The following WDFY3 variants were observed in gnomAD, a reference collection of about 807,000 sequenced individuals.
The protein encoded by WDFY3 is WD repeat and FYVE domain-containing protein 3.
Under a neutral mutation model 409.6 loss-of-function variants are expected in WDFY3, and 66 were observed. That is an observed-to-expected ratio of 0.16 (90% CI 0.13 to 0.20). The LOEUF (loss-of-function observed/expected upper bound fraction) is 0.20. WDFY3 is among the 10% of genes least tolerant of loss of function. The pLI is 1.00. For missense variants in WDFY3, 3,031 were observed against 4,298.1 expected, an observed-to-expected ratio of 0.71 and a Z score of 8.24; for synonymous variants, 1,521 against 1,537.1, an observed-to-expected ratio of 0.99 and a Z score of 0.25.
chr4:84,687,782 C>G, intron 62 of WDFY3: 1 of 227,646 alleles, frequency 4.4e-6, no homozygotes, highest in Non-Finnish European at 8.6e-6. Flanking sequence ...ACAGGCACAG[C>G]CCACCACTGA....
At chr4:84,803,522 T>C in intron 15 of WDFY3, 55 bp from the exon 16 acceptor site, 1 of 1,537,736 alleles carries the variant, frequency 6.5e-7, no homozygotes, top group East Asian at 2.3e-5. Flanking sequence ...ATTCTCTTCC[T>C]CTTCAGTTAC....
chr4:84,820,045 G>A, intron 12 of WDFY3, 40 bp downstream of exon 12: 1 of 1,520,776 alleles, frequency 6.6e-7, no homozygotes, highest in Non-Finnish European at 9.0e-7. Flanking sequence ...GTAATCAGTG[G>A]TAATCTCCCA....
chr4:84,792,635 A>G (rs1748719347), intron 21 of WDFY3, among the ~76,000 whole-genome samples: 1 of 152,166 alleles, frequency 6.6e-6, no homozygotes, highest in African/African-American at 2.4e-5. Flanking sequence ...TGCATATGTT[A>G]CCGTCATTTC....
intron 3 of WDFY3, among the ~76,000 whole-genome samples, chr4:84,865,009 C>T (rs1314837095): frequency 6.6e-6 from 1 of 152,212 alleles, no homozygotes; most frequent in African/African-American, 2.4e-5. Context: ...CCCTCCTCAG[C>T]CTCCCTAGTA....
chr4:84,752,512 A>G (rs1560666821), intron 35 of WDFY3, among the ~76,000 whole-genome samples: 1 of 150,886 alleles, frequency 6.6e-6, no homozygotes, highest in Non-Finnish European at 1.5e-5. Flanking sequence ...CCGGGATGAC[A>G]AGAGCGAAAC....
In WDFY3 at chr4:84,685,555, A is replaced by G. The variant is rs113489808; in HGVS notation, c.9544-1430T>C. 4.3e-3 allele frequency among the ~76,000 whole-genome samples: 657 copies of G among 152,330 alleles called. 2 individuals are homozygous for G. The highest frequency in any genetic ancestry group is 0.014 in the African/African-American group (571 of 41,570). On this transcript the variant is annotated intron_variant, in intron 62 of 67. Transcript: ENST00000295888. ...GCAAGAGAAAATTGCTCCATTCTGCACTGGGCAAGACCTTCTTCAGTTACT... is the reference window on the plus strand; with the variant it reads ...GCAAGAGAAAATTGCTCCATTCTGCGCTGGGCAAGACCTTCTTCAGTTACT...
intron 32 of WDFY3, among the ~76,000 whole-genome samples, chr4:84,759,494 T>C (rs1454599661): frequency 1.3e-5 from 2 of 151,658 alleles, no homozygotes; most frequent in Non-Finnish European, 2.9e-5. Flanking sequence ...CAGTGGTTTG[T>C]AGTTCTCCTT....
At chr4:84,674,895 T>G (rs560900815) in intron 67 of WDFY3, among the ~76,000 whole-genome samples, 51 of 151,118 alleles carry the variant, frequency 3.4e-4, no homozygotes, top group African/African-American at 9.7e-4. Flanking sequence ...AAATAAAAGA[T>G]ATATATATAT....
chr4:84,687,283 A>C, intron 62 of WDFY3, among the ~76,000 whole-genome samples: 1 of 152,096 alleles, frequency 6.6e-6, no homozygotes, highest in East Asian at 1.9e-4. Context: ...AGCTGGGATT[A>C]AAGGCACCCA....
At chr4:84,902,949 T>TA (rs1766539017) in intron 2 of WDFY3, among the ~76,000 whole-genome samples, 1 of 152,192 alleles carries the variant, frequency 6.6e-6, no homozygotes, top group African/African-American at 2.4e-5. Context: ...TTGTAGTCCT[T>TA]AAAGTCTCCC....
chr4:84,893,418 T>C lies in WDFY3; in HGVS notation c.-32+3493A>G, dbSNP rs1445952162. On this transcript the variant is annotated intron_variant, in intron 3 of 67. Transcript: ENST00000295888. ...TCTGAGGTTTGGGATTACTGTTTTC[T>C]CCTCACTTCACTTAAGTTAAAAGAT... is the stretch of plus-strand genomic sequence containing the variant. Among the ~76,000 whole-genome samples, 5 of 152,216 alleles carry C rather than the reference T, an allele frequency of 3.3e-5. No homozygotes were observed. The East Asian group carries it at 9.6e-4, about 29-fold the overall frequency.
chr4:84,844,871 G>T (rs1265670476), intron 5 of WDFY3, among the ~76,000 whole-genome samples: 1 of 152,144 alleles, frequency 6.6e-6, no homozygotes, highest in Non-Finnish European at 1.5e-5. Context: ...CAAATTAACT[G>T]AGTCACTACT....
Position 84,875,041 on chromosome 4 carries a change from G to A in WDFY3, c.-31-14419C>T, listed in dbSNP as rs896949186. 1.1e-4 allele frequency among the ~76,000 whole-genome samples: 17 copies of A among 152,016 alleles called. No homozygotes were observed. The East Asian group carries it at 1.2e-3, about 10-fold the overall frequency. On this transcript the variant is annotated intron_variant, in intron 3 of 67. Coordinates refer to ENST00000295888, the MANE Select transcript of WDFY3 (RefSeq NM_014991.6). The stretch of plus-strand genomic sequence containing the variant: ...TCCCAGCACTTTGGGAGTCCGAGGC[G>A]GGCAGATCATGAGGTCAGGAATTTG...
chr4:84,794,390 A>G (rs1305997905), intron 21 of WDFY3, 129 bp downstream of exon 21: 6 of 943,810 alleles, frequency 6.4e-6, no homozygotes, highest in Non-Finnish European at 9.2e-6. Flanking sequence ...TCAATGTTTT[A>G]TGTAACTTGT....
At chr4:84,881,722 A>C (rs1433182649) in intron 3 of WDFY3, among the ~76,000 whole-genome samples, 1 of 151,946 alleles carries the variant, frequency 6.6e-6, no homozygotes, top group Non-Finnish European at 1.5e-5. Context: ...CCCCGCCTCT[A>C]CTCAAAATAC....
At chr4:84,690,143 G>A (rs1729012727) in intron 61 of WDFY3, among the ~76,000 whole-genome samples, 1 of 152,024 alleles carries the variant, frequency 6.6e-6, no homozygotes, top group Non-Finnish European at 1.5e-5. Flanking sequence ...AGAATTTAGT[G>A]GCAGATAAAT....
At chr4:84,953,706 T>C (rs1342043370) in intron 1 of WDFY3, among the ~76,000 whole-genome samples, 1 of 152,138 alleles carries the variant, frequency 6.6e-6, no homozygotes, top group African/African-American at 2.4e-5. Context: ...TCCCTAATCC[T>C]TTTCTTCTTT....
At position 84,696,897 on chromosome 4, in the gene WDFY3, T is replaced by C. The variant is rs960122252; in HGVS notation, c.8597-74A>G. On this transcript the variant is annotated intron_variant, in intron 56 of 67. Transcript: ENST00000295888. Reference sequence around the variant, plus strand: ...AATGGTAACTTTATATTAATCTGACTGAGAAATGGTGGGTTAGATTCAATA... The same window carrying C: ...AATGGTAACTTTATATTAATCTGACCGAGAAATGGTGGGTTAGATTCAATA... 26 of 1,317,524 alleles carry C rather than the reference T, an allele frequency of 2.0e-5. No individual in the cohort carries two copies. In the Admixed American group the frequency reaches 2.1e-4, roughly 11 times the overall value. The allele number at this position is 1,317,524 out of a possible 1,614,324, so 81.6% of individuals were successfully genotyped here.
At chr4:84,884,790 T>A (rs1453188051) in intron 3 of WDFY3, among the ~76,000 whole-genome samples, 1 of 152,118 alleles carries the variant, frequency 6.6e-6, no homozygotes, top group African/African-American at 2.4e-5. Flanking sequence ...GACCCATATA[T>A]CTAATCAGAA....
Sources: allele counts gnomAD v4.1 joint callset (sites outside exome capture counted in the v4.1 genomes callset), GRCh38; gene constraint gnomAD v4.1.1; transcripts MANE v1.5; gene names NCBI Gene and HGNC (gene_info 2026-07-23, HGNC 2026-07-21).